Variants in MFAP3L observed in about 807,000 individuals in gnomAD.
MFAP3L encodes the protein microfibrillar-associated protein 3-like.
In MFAP3L, 5 loss-of-function variants were observed where a neutral mutation model predicts 20.0. That is an observed-to-expected ratio of 0.25 (90% CI 0.13 to 0.53). The LOEUF (loss-of-function observed/expected upper bound fraction) is 0.53, where lower values mean the gene tolerates loss of function less well. Ranked by LOEUF, MFAP3L falls within the 20% of genes least tolerant of loss-of-function variation. MFAP3L has a pLI of 0.96. For missense variants in MFAP3L, 409 were observed against 527.5 expected, an observed-to-expected ratio of 0.78 and a Z score of 2.20; for synonymous variants, 219 against 213.0, an observed-to-expected ratio of 1.03 and a Z score of -0.25.
At chr4:169,993,773 T>C (rs1737922374) in intron 2 of MFAP3L, 1 of 152,120 alleles carries the variant, frequency 6.6e-6, no homozygotes, top group Non-Finnish European at 1.5e-5. Context: ...CAGTTTCTGG[T>C]GTCCCTGAGT....
chr4:170,010,465 C>T (rs1346205733), intron 1 of MFAP3L, among the ~76,000 whole-genome samples: 1 of 152,050 alleles, frequency 6.6e-6, no homozygotes, highest in African/African-American at 2.4e-5. Flanking sequence ...GCCTGCCTCT[C>T]CTTCCCCCTC....
intron 2 of MFAP3L, chr4:169,993,897 C>T (rs1319819100): frequency 1.3e-5 from 2 of 152,720 alleles, no homozygotes; most frequent in Non-Finnish European, 2.9e-5. Context: ...AACCAACCTA[C>T]TCGGTCTGTG....
At chr4:169,996,019 CCCACCCT>C (rs979835598) in intron 2 of MFAP3L, among the ~76,000 whole-genome samples, 1 of 134,086 alleles carries the variant, frequency 7.5e-6, no homozygotes, top group African/African-American at 2.7e-5. Flanking sequence ...CCCCCCACCC[CCCACCCT>C]GAAATACCCT....
chr4:169,990,248 GT>G lies in MFAP3L; in HGVS notation c.*1129del, dbSNP rs1453172175. ...TGCAGGACTGCATAATTATTCAACA[GT>G]TTTGGCATAAAATCTGATGGCACAG... On this transcript the variant is annotated 3_prime_UTR_variant, in exon 3 of 3. Coordinates refer to ENST00000361618, the MANE Select transcript of MFAP3L (RefSeq NM_021647.8). 1.3e-5 allele frequency: 2 copies of G among 152,200 alleles called. No homozygotes were observed. The highest frequency in any genetic ancestry group is 4.8e-5 in the African/African-American group (2 of 41,442). The allele number at this position is 152,200 out of a possible 1,614,324, so 9.4% of individuals were successfully genotyped here. A position where few individuals can be genotyped will look rare whatever the true frequency, so the allele number is the denominator to read the frequency against.
In MFAP3L at chr4:169,990,965, C is replaced by T. The variant is rs891484717; in HGVS notation, c.*413G>A. On this transcript the variant is annotated 3_prime_UTR_variant, in exon 3 of 3. Coordinates refer to ENST00000361618, the MANE Select transcript of MFAP3L (RefSeq NM_021647.8). ...AAACTGAGAAGAAACTGCAAAAAAC[C>T]CACGTACGTGCATTTGCTATTGTAG... 1 of 171,218 alleles carries T rather than the reference C, an allele frequency of 5.8e-6. No individual in the cohort carries two copies. Among genetic ancestry groups the T allele is most frequent in the African/African-American group, 2.4e-5 (1 of 42,036 alleles). The allele number at this position is 171,218 out of a possible 1,614,324, so 10.6% of individuals were successfully genotyped here.
In MFAP3L at chr4:169,992,989, T is replaced by C. The variant is rs1184283231; in HGVS notation, c.299-680A>G. The stretch of plus-strand genomic sequence containing the variant: ...GAGGCTGGATATGAATTAATATCAA[T>C]TTGTTTTAGCCTTGCAAATAAATTA... On this transcript the variant is annotated intron_variant, in intron 2 of 2. Transcript: ENST00000361618. This position sits in a 1 kb window ranked among gnomAD's most constrained non-coding sequence, Gnocchi z 4.3. 6.6e-6 allele frequency among the ~76,000 whole-genome samples: 1 copy of C among 152,220 alleles called. No individual in the cohort carries two copies. The highest frequency in any genetic ancestry group is 2.4e-5 in the African/African-American group (1 of 41,454).
At chr4:170,001,797 CAA>C (rs755175185) in intron 2 of MFAP3L, among the ~76,000 whole-genome samples, 6 of 152,150 alleles carry the variant, frequency 3.9e-5, no homozygotes, top group African/African-American at 1.2e-4. Flanking sequence ...ACTACAAAAA[CAA>C]AAGTCTTCCA....
At chr4:170,009,275 C>G (rs968342037) in intron 1 of MFAP3L, among the ~76,000 whole-genome samples, 4 of 150,770 alleles carry the variant, frequency 2.7e-5, no homozygotes, top group Non-Finnish European at 4.4e-5. Flanking sequence ...CCCAGCTACT[C>G]AGGAGGCTGG....
At chr4:169,993,770 T>G (rs1348598236) in intron 2 of MFAP3L, 3 of 152,122 alleles carry the variant, frequency 2.0e-5, no homozygotes, top group Non-Finnish European at 4.4e-5. Flanking sequence ...GAGCAGTTTC[T>G]GGTGTCCCTG....
At chr4:170,013,347 A>G (rs997889982) in intron 1 of MFAP3L, among the ~76,000 whole-genome samples, 1 of 152,186 alleles carries the variant, frequency 6.6e-6, no homozygotes, top group Non-Finnish European at 1.5e-5. Flanking sequence ...ACAGTCTTTT[A>G]AAGAGAAAAA....
At chr4:170,020,626 T>G (rs372058427) in intron 1 of MFAP3L, among the ~76,000 whole-genome samples, 1 of 16,966 alleles carries the variant, frequency 5.9e-5, no homozygotes. Flanking sequence ...CCCTCCCCCC[T>G]CCCTCCTCCC....
rs1029798194 is a variant in MFAP3L at position 169,989,272 on chromosome 4, C to T, written c.*2106G>A. 4 of 152,162 alleles carry T rather than the reference C, an allele frequency of 2.6e-5. No individual in the cohort carries two copies. Among genetic ancestry groups the T allele is most frequent in the Non-Finnish European group, 4.4e-5 (3 of 68,034 alleles). 9.4% of individuals were successfully genotyped at this position (152,162 alleles called of 1,614,324 possible). A position where few individuals can be genotyped will look rare whatever the true frequency, so the allele number is the denominator to read the frequency against. On this transcript the variant is annotated 3_prime_UTR_variant, in exon 3 of 3. Coordinates refer to ENST00000361618, the MANE Select transcript of MFAP3L (RefSeq NM_021647.8). ...TGTGACTGCCCAAAGCACTTCTAACCAGAAGTCAACAGTTCAGTCCTTTTC... is the reference window on the plus strand; with the variant it reads ...TGTGACTGCCCAAAGCACTTCTAACTAGAAGTCAACAGTTCAGTCCTTTTC...
intron 1 of MFAP3L, among the ~76,000 whole-genome samples, chr4:170,016,214 G>A (rs1485475283): frequency 2.0e-5 from 3 of 152,072 alleles, no homozygotes; most frequent in African/African-American, 7.2e-5. Context: ...CATTTTTCCA[G>A]CAGTTCGTCA....
At chr4:170,020,794 C>T (rs530970456) in intron 1 of MFAP3L, among the ~76,000 whole-genome samples, 1 of 152,000 alleles carries the variant, frequency 6.6e-6, no homozygotes, top group Non-Finnish European at 1.5e-5. Flanking sequence ...GCTTTGAGGT[C>T]TTGGTTCAAA....
intron 2 of MFAP3L, among the ~76,000 whole-genome samples, chr4:169,998,316 G>A (rs1738351229): frequency 6.6e-6 from 1 of 152,240 alleles, no homozygotes; most frequent in Non-Finnish European, 1.5e-5. Flanking sequence ...TGGTACAGGG[G>A]TGACTGTGAC....
At chr4:170,009,941 G>A (rs1160811841) in intron 1 of MFAP3L, among the ~76,000 whole-genome samples, 1 of 152,158 alleles carries the variant, frequency 6.6e-6, no homozygotes, top group African/African-American at 2.4e-5. Flanking sequence ...CAACTACTCT[G>A]ATGAATAATT....
At chr4:169,997,802 C>CTTTTTT (rs397768343) in intron 2 of MFAP3L, 134,487 of 885,782 alleles carry the variant, frequency 0.15, 5,655 homozygotes, top group African/African-American at 0.37. Context: ...TTCATTAATT[C>CTTTTTT]TTTTTTTTTT....
chr4:169,991,905 C>T lies in MFAP3L; in HGVS notation c.703G>A (p.Glu235Lys), dbSNP rs972243484. The T allele has an allele frequency of 1.2e-6, 2 of 1,614,124 alleles. No individual in the cohort carries two copies. The highest frequency in any genetic ancestry group is 1.7e-6 in the Non-Finnish European group (2 of 1,180,022). ...FKTMEFARYIEELARSVPLPP... is the reference protein window; with the variant it reads ...FKTMEFARYIKELARSVPLPP... ...AGAGGCACGCTCCTGGCAAGCTCTT[C>T]GATGTAGCGGGCGAACTCCATGGTT... Residue 235 changes from glutamate to lysine, a missense_variant, in exon 3 of 3, where the codon GAA becomes AAA. This residue lies in a region of MFAP3L where 127 missense variants were observed against 218.1 expected (regional missense o/e 0.58). Transcript: ENST00000361618. The surrounding 1 kb of genome is among the most constrained non-coding windows in gnomAD (Gnocchi z 4.9).
rs1274057271 is a variant in MFAP3L at position 169,988,893 on chromosome 4, G to C, written c.*2485C>G. The C allele has an allele frequency of 6.6e-6, 1 of 152,088 alleles. No homozygotes were observed. Among genetic ancestry groups the C allele is most frequent in the African/African-American group, 2.4e-5 (1 of 41,418 alleles). 9.4% of individuals were successfully genotyped at this position (152,088 alleles called of 1,614,324 possible). Reference sequence around the variant, plus strand: ...TCTTTGGCCGCATATTTCTGCTCTTGCTCCACTGAAAATCTGCCCACTTTT... The same window carrying C: ...TCTTTGGCCGCATATTTCTGCTCTTCCTCCACTGAAAATCTGCCCACTTTT... On this transcript the variant is annotated 3_prime_UTR_variant, in exon 3 of 3. Coordinates refer to ENST00000361618, the MANE Select transcript of MFAP3L (RefSeq NM_021647.8).
Sources: gnomAD v4.1 joint callset for allele counts (sites outside exome capture counted in the v4.1 genomes callset) on GRCh38, gnomAD v4.1.1 for gene constraint, gnomAD v4.1.1 regional missense constraint, Gnocchi (gnomAD v3.1) non-coding constraint, MANE v1.5 for transcripts, NCBI Gene and HGNC (gene_info 2026-07-23, HGNC 2026-07-21) for gene names.